The following SYNPO2 variants were observed in gnomAD, a reference collection of about 807,000 sequenced individuals.
SYNPO2 encodes the protein synaptopodin 2.
A neutral mutation model predicts 85.0 loss-of-function variants in SYNPO2; 56 were observed. That is an observed-to-expected ratio of 0.66 (90% CI 0.53 to 0.82). The LOEUF is 0.82. Ranked by LOEUF, SYNPO2 falls within the 40% of genes least tolerant of loss-of-function variation. SYNPO2 has a pLI of 0.00. For synonymous variants in SYNPO2, 602 were observed against 591.1 expected (o/e 1.02, Z -0.27); for missense variants, 1,575 against 1,534.2 (o/e 1.03, Z -0.44).
intron 4 of SYNPO2, chr4:119,035,994 G>A (rs1738498135): frequency 1.0e-6 from 1 of 985,384 alleles, no homozygotes; most frequent in Non-Finnish European, 1.2e-6. Flanking sequence ...AAGAGCAGAA[G>A]ACACATGGCT....
intron 1 of SYNPO2, among the ~76,000 whole-genome samples, chr4:118,879,584 C>A (rs1041333945): frequency 2.0e-5 from 3 of 152,172 alleles, no homozygotes; most frequent in African/African-American, 7.2e-5. Flanking sequence ...GCCCTTTGAT[C>A]TTAGACTTCC....
At position 118,994,504 on chromosome 4, in the gene SYNPO2, G is replaced by C. The variant is rs1360603943; in HGVS notation, c.106-28926G>C. 2.6e-5 allele frequency among the ~76,000 whole-genome samples: 4 copies of C among 152,216 alleles called. No individual in the cohort carries two copies. The East Asian group carries it at 7.7e-4, about 29-fold the overall frequency. The stretch of plus-strand genomic sequence containing the variant: ...AGAATTGAGAGATGGAGTGACAATT[G>C]GGTTAGATGCATCAATATGAGCACT... On this transcript the variant is annotated intron_variant, in intron 1 of 4. Transcript: ENST00000307142.
At chr4:118,874,629 T>C (rs184663177) in intron 1 of SYNPO2, among the ~76,000 whole-genome samples, 11 of 152,238 alleles carry the variant, frequency 7.2e-5, no homozygotes, top group African/African-American at 1.2e-4. Context: ...GTAAGTAAAC[T>C]GGGAAAGAGT....
intron 1 of SYNPO2, among the ~76,000 whole-genome samples, chr4:118,964,129 G>GA (rs572788247): frequency 5.9e-5 from 9 of 152,130 alleles, no homozygotes; most frequent in Non-Finnish European, 1.3e-4. Flanking sequence ...AGTTTTGGGG[G>GA]ATAAAGATAA....
chr4:118,882,254 C>T (rs1040174378), intron 1 of SYNPO2, among the ~76,000 whole-genome samples: 5 of 152,050 alleles, frequency 3.3e-5, no homozygotes, highest in African/African-American at 9.7e-5. Flanking sequence ...TACAATTTAG[C>T]GGCTGTTCCA....
intron 1 of SYNPO2, among the ~76,000 whole-genome samples, chr4:118,900,703 C>CTCTCTCTCTCTCTCTCTATATATA (rs1277981772): frequency 2.3e-5 from 1 of 43,894 alleles, no homozygotes; most frequent in African/African-American, 7.9e-5. Flanking sequence ...CTCTCTCTCT[C>CTCTCTCTCTCTCTCTCTATATATA]TATATATATA....
intron 1 of SYNPO2, among the ~76,000 whole-genome samples, chr4:118,967,278 G>A (rs1450353874): frequency 6.6e-6 from 1 of 152,060 alleles, no homozygotes. Flanking sequence ...GGAAATAAAA[G>A]TCTGCGGAGG....
intron 1 of SYNPO2, among the ~76,000 whole-genome samples, chr4:119,007,923 T>G (rs952741026): frequency 2.6e-5 from 4 of 152,180 alleles, no homozygotes; most frequent in Admixed American, 2.6e-4. Flanking sequence ...GGATCACACA[T>G]GTAGACTCAT....
chr4:118,961,645 G>A (rs1023008215), intron 1 of SYNPO2, among the ~76,000 whole-genome samples: 1 of 152,036 alleles, frequency 6.6e-6, no homozygotes, highest in Non-Finnish European at 1.5e-5. Flanking sequence ...TTTATTGTTA[G>A]CATTTTCTCT....
chr4:118,969,481 G>T (rs1298447986), intron 1 of SYNPO2, among the ~76,000 whole-genome samples: 4 of 152,172 alleles, frequency 2.6e-5, no homozygotes, highest in African/African-American at 9.7e-5. Context: ...ACTGCCCTCT[G>T]CTGCTCTGAG....
intron 1 of SYNPO2, among the ~76,000 whole-genome samples, chr4:118,878,897 TTC>T (rs532292531): frequency 6.6e-6 from 1 of 152,234 alleles, no homozygotes; most frequent in African/African-American, 2.4e-5. Context: ...GTTTTGTTCT[TTC>T]TCTCTCTGCA....
At chr4:119,051,213 G>A (rs1315677104) in intron 4 of SYNPO2, among the ~76,000 whole-genome samples, 1 of 21,520 alleles carries the variant, frequency 4.6e-5, no homozygotes, top group Non-Finnish European at 8.4e-5. Context: ...TTTTTGAGAC[G>A]GAGTCTCGCT....
Position 119,030,940 on chromosome 4 carries a change from G to T in SYNPO2, c.2165G>T (p.Gly722Val), listed in dbSNP as rs1231096307. The T allele has an allele frequency of 2.5e-6, 4 of 1,614,026 alleles. No homozygotes were observed. Among genetic ancestry groups the T allele is most frequent in the African/African-American group, 1.3e-5 (1 of 74,904 alleles). Reference sequence around the variant, plus strand: ...CTTCAAAATTCAGAAGGCAAACGGGGCACTGGAGCTGGAGGTGATTCCGGA... The same window carrying T: ...CTTCAAAATTCAGAAGGCAAACGGGTCACTGGAGCTGGAGGTGATTCCGGA... ...SLLQNSEGKR[G>V]TGAGGDSGPE... The change falls in exon 4 of 5, where the codon GGC becomes GTC. Residue 722 changes from glycine to valine, a missense_variant. Gly to Val is a moderately radical substitution (Grantham distance 109, BLOSUM62 -3). Transcript: ENST00000307142.
At position 119,027,105 on chromosome 4, in the gene SYNPO2, A is replaced by G. The variant is rs747233147; in HGVS notation, c.736A>G (p.Thr246Ala). The change falls in exon 3 of 5, where the codon ACT becomes GCT. Residue 246 changes from threonine to alanine, a missense_variant. Thr to Ala is a moderately conservative substitution (Grantham distance 58). Coordinates refer to ENST00000307142, the MANE Select transcript of SYNPO2 (RefSeq NM_133477.3). ...DRIVHINSIP[T>A]NEKADPFLRS... is the part of the protein sequence containing the mutation. The stretch of plus-strand genomic sequence containing the variant: ...GATTGTCCACATAAATTCGATCCCT[A>G]CTAATGAGAAAGCAGACCCTTTCCT... 6.2e-7 allele frequency: 1 copy of G among 1,614,176 alleles called. No individual in the cohort carries two copies. Among genetic ancestry groups the G allele is most frequent in the South Asian group, 1.1e-5 (1 of 91,074 alleles).
chr4:119,019,746 CT>C (rs1429523906), intron 1 of SYNPO2, among the ~76,000 whole-genome samples: 5 of 152,152 alleles, frequency 3.3e-5, no homozygotes. Flanking sequence ...CGTAACTCAT[CT>C]AGGTTTAGAC....
chr4:118,985,482 C>T (rs1736184919), intron 1 of SYNPO2, among the ~76,000 whole-genome samples: 1 of 152,204 alleles, frequency 6.6e-6, no homozygotes, highest in Non-Finnish European at 1.5e-5. Flanking sequence ...GTCTTCTCTT[C>T]TCCCCTAAAA....
In SYNPO2 at chr4:119,027,160, G is replaced by C. The variant is rs113276616; in HGVS notation, c.791G>C (p.Ser264Thr). The change falls in exon 3 of 5, where the codon AGT becomes ACT. Residue 264 changes from serine (S) to threonine (T), a missense_variant. By Grantham distance (58) the Ser-to-Thr change is moderately conservative. This residue lies in a region of SYNPO2 where 1,508 missense variants were observed against 1,446.8 expected (regional missense o/e 1.04). Transcript: ENST00000307142. ...TCCAGCAAGATAATCCAGATCTCCA[G>C]TGGCAGAGAGTTGAGAGTGATCCAG... Reference protein sequence around the residue: ...LRSSKIIQISSGRELRVIQES... With the variant: ...LRSSKIIQISTGRELRVIQES... 1 of 1,614,192 alleles carries C rather than the reference G, an allele frequency of 6.2e-7. No individual in the cohort carries two copies. Among genetic ancestry groups the C allele is most frequent in the South Asian group, 1.1e-5 (1 of 91,066 alleles).
chr4:118,888,735 T>C (rs1732257398), upstream of SYNPO2: 1 of 409,394 alleles, frequency 2.4e-6, no homozygotes, highest in Non-Finnish European at 4.4e-6. Flanking sequence ...CATTCTCCTG[T>C]GTGTGAAGCT....
chr4:118,881,600 G>C (rs1732102093), intron 1 of SYNPO2, among the ~76,000 whole-genome samples: 1 of 152,252 alleles, frequency 6.6e-6, no homozygotes, highest in South Asian at 2.1e-4. Flanking sequence ...AAAAGAAAGA[G>C]TTGCTGGGGA....
Sources: gnomAD v4.1 joint callset for allele counts (sites outside exome capture counted in the v4.1 genomes callset) on GRCh38, gnomAD v4.1.1 for gene constraint, gnomAD v4.1.1 regional missense constraint, MANE v1.5 for transcripts, NCBI Gene and HGNC (gene_info 2026-07-23, HGNC 2026-07-21) for gene names.